PRPF39: variants seen among roughly 807,000 people sequenced by gnomAD.
PRPF39 encodes the protein pre-mRNA processing factor 39, also known as pre-mRNA-processing factor 39.
PRPF39 carries 27 observed loss-of-function variants against 82.1 expected under a neutral mutation model. The ratio of observed to expected loss-of-function variants is 0.33; its 90% CI spans 0.24 to 0.45. PRPF39 has a LOEUF of 0.45. Ranked by LOEUF, PRPF39 falls within the 20% of genes least tolerant of loss-of-function variation. The probability of loss-of-function intolerance (pLI) is 1.00; values close to 1 mark genes in which losing one functional copy is unlikely to be tolerated. For synonymous variants in PRPF39, 261 were observed against 256.4 expected, an observed-to-expected ratio of 1.02 and a Z score of -0.17; for missense variants, 581 against 796.9, an observed-to-expected ratio of 0.73 and a Z score of 3.26.
Position 45,109,791 on chromosome 14 carries a change from C to A in PRPF39, c.1176+11C>A. On this transcript the variant is annotated intron_variant, in intron 8 of 13. Transcript: ENST00000355765. ...GAGTTTTGGATTAAGGTAAGAAAAT[C>A]ATGTGCTCTTAAACTTGAATATATT... 2 of 1,585,520 alleles carry A rather than the reference C, an allele frequency of 1.3e-6. No homozygotes were observed. Among genetic ancestry groups the A allele is most frequent in the Non-Finnish European group, 1.7e-6 (2 of 1,165,720 alleles).
chr14:45,089,365 G>A (rs1310432303), intron 1 of PRPF39, among the ~76,000 whole-genome samples: 2 of 152,184 alleles, frequency 1.3e-5, no homozygotes, highest in Middle Eastern at 3.2e-3. Flanking sequence ...CTTCCTCAAT[G>A]AGCAGTCTTA....
intron 1 of PRPF39, among the ~76,000 whole-genome samples, chr14:45,084,864 C>T (rs910712965): frequency 6.6e-6 from 1 of 152,126 alleles, no homozygotes; most frequent in African/African-American, 2.4e-5. Flanking sequence ...TGTTTTTCTC[C>T]AAAATCACAT....
intron 1 of PRPF39, among the ~76,000 whole-genome samples, chr14:45,090,568 C>A (rs576400067): frequency 7.9e-5 from 12 of 152,282 alleles, no homozygotes; most frequent in African/African-American, 2.9e-4. Flanking sequence ...GTTCCACATT[C>A]TAGAATAGTT....
Position 45,095,298 on chromosome 14 carries a change from G to T in PRPF39, c.59G>T (p.Ser20Ile). Residue 20 changes from serine (S) to isoleucine (I), a missense_variant, in exon 2 of 14, where the codon AGT (serine) becomes ATT (isoleucine). By Grantham distance (142) the Ser-to-Ile change is moderately radical (BLOSUM62 -2). Coordinates refer to ENST00000355765, the MANE Select transcript of PRPF39 (RefSeq NM_017922.4). Reference protein sequence around the residue: ...RNSSNGSTGNSSEVVVEHPTD... With the variant: ...RNSSNGSTGNISEVVVEHPTD... ...TCTAGTAATGGCAGCACAGGCAACAGTTCAGAGGTAGTGGTAGAACATCCT... is the reference window on the plus strand; with the variant it reads ...TCTAGTAATGGCAGCACAGGCAACATTTCAGAGGTAGTGGTAGAACATCCT... The T allele has an allele frequency of 1.2e-6, 2 of 1,613,344 alleles. No individual in the cohort carries two copies. Among genetic ancestry groups the T allele is most frequent in the Non-Finnish European group, 1.7e-6 (2 of 1,179,314 alleles).
At chr14:45,094,005 T>C (rs1471551778) in intron 1 of PRPF39, among the ~76,000 whole-genome samples, 5 of 152,244 alleles carry the variant, frequency 3.3e-5, no homozygotes, top group Non-Finnish European at 5.9e-5. Context: ...TTTTGATTTA[T>C]GTCTTTATTA....
chr14:45,102,403 C>T, intron 4 of PRPF39, 126 bp from the exon 5 acceptor site: 3 of 723,502 alleles, frequency 4.1e-6, no homozygotes, highest in Non-Finnish European at 4.2e-6. Flanking sequence ...ACCCTTTAAT[C>T]CCTACTTGCA....
intron 3 of PRPF39, 135 bp from the exon 4 acceptor site, chr14:45,096,752 C>T: frequency 6.5e-7 from 1 of 1,535,990 alleles, no homozygotes; most frequent in South Asian, 1.2e-5. Flanking sequence ...CAACCTCCAC[C>T]CAAATGGTAA....
intron 1 of PRPF39, among the ~76,000 whole-genome samples, chr14:45,086,529 G>C (rs1883833345): frequency 6.6e-6 from 1 of 152,138 alleles, no homozygotes; most frequent in African/African-American, 2.4e-5. Context: ...ACTTTTATTA[G>C]TCTGGGGGAA....
intron 5 of PRPF39, among the ~76,000 whole-genome samples, chr14:45,106,766 A>G (rs1208217540): frequency 6.6e-6 from 1 of 152,164 alleles, no homozygotes; most frequent in African/African-American, 2.4e-5. Flanking sequence ...AACCAAATGG[A>G]GAGTGGAATA....
At chr14:45,105,654 G>A (rs1160501035) in intron 5 of PRPF39, among the ~76,000 whole-genome samples, 1 of 151,244 alleles carries the variant, frequency 6.6e-6, no homozygotes, top group Non-Finnish European at 1.5e-5. Context: ...AGCCTCCCGA[G>A]TAGCTGGGAT....
At chr14:45,111,838 A>G (rs1186489810) in intron 10 of PRPF39, among the ~76,000 whole-genome samples, 2 of 151,574 alleles carry the variant, frequency 1.3e-5, no homozygotes, top group African/African-American at 4.9e-5. Context: ...GGGTTTTACC[A>G]TGTTGGCCAG....
chr14:45,108,733 T>G (rs1884613878), intron 7 of PRPF39, among the ~76,000 whole-genome samples: 1 of 152,212 alleles, frequency 6.6e-6, no homozygotes, highest in Non-Finnish European at 1.5e-5. Flanking sequence ...TTTACTTGAA[T>G]TGCAAGATAT....
At chr14:45,109,201 T>A (rs559600234) in intron 7 of PRPF39, among the ~76,000 whole-genome samples, 76 of 152,300 alleles carry the variant, frequency 5.0e-4, no homozygotes, top group African/African-American at 1.8e-3. Flanking sequence ...TATATGTATA[T>A]ACATTGTAGT....
In PRPF39 at chr14:45,114,213, A is replaced by T. The variant is rs1884774350; in HGVS notation, c.1788A>T (p.Thr596=). The change falls in exon 12 of 14, where the codon ACA becomes ACT. Residue 596 remains threonine (T), a synonymous_variant. Coordinates refer to ENST00000355765, the MANE Select transcript of PRPF39 (RefSeq NM_017922.4). The part of the protein sequence containing the change: ...KLLNAYDEHQ[T]LLKEQDSLKR... The stretch of plus-strand genomic sequence containing the variant: ...TGAATGCTTATGATGAACATCAAAC[A>T]CTCCTGAAAGAACAGGATTCTTTAA... 6.2e-7 allele frequency: 1 copy of T among 1,603,574 alleles called. No individual in the cohort carries two copies. The highest frequency in any genetic ancestry group is 2.2e-5 in the East Asian group (1 of 44,598).
At position 45,115,957 on chromosome 14, in the gene PRPF39, A is replaced by G; in HGVS notation, c.*1044A>G. 1 of 441,626 alleles carries G rather than the reference A, an allele frequency of 2.3e-6. No individual in the cohort carries two copies. Among genetic ancestry groups the G allele is most frequent in the Non-Finnish European group, 4.2e-6 (1 of 240,838 alleles). The allele number at this position is 441,626 out of a possible 1,614,324, so 27.4% of individuals were successfully genotyped here. A position where few individuals can be genotyped will look rare whatever the true frequency, so the allele number is the denominator to read the frequency against. ...ACTTAAGTTTACAACATGAGGTAAAAGGAAAAAGTTCTCCTTGACCAGTAT... is the reference window on the plus strand; with the variant it reads ...ACTTAAGTTTACAACATGAGGTAAAGGGAAAAAGTTCTCCTTGACCAGTAT... On this transcript the variant is annotated 3_prime_UTR_variant, in exon 14 of 14. Coordinates refer to ENST00000355765, the MANE Select transcript of PRPF39 (RefSeq NM_017922.4).
chr14:45,088,516 G>A (rs1883915549), intron 1 of PRPF39, among the ~76,000 whole-genome samples: 1 of 152,198 alleles, frequency 6.6e-6, no homozygotes, highest in Non-Finnish European at 1.5e-5. Flanking sequence ...TGTCTGGGCT[G>A]TACAAGTTAG....
intron 5 of PRPF39, among the ~76,000 whole-genome samples, chr14:45,104,015 T>A (rs1884451927): frequency 6.6e-6 from 1 of 152,196 alleles, no homozygotes; most frequent in African/African-American, 2.4e-5. Context: ...AGTACTATTG[T>A]TCCCATTTTA....
At chr14:45,101,288 C>G (rs917224056) in intron 4 of PRPF39, among the ~76,000 whole-genome samples, 5 of 152,088 alleles carry the variant, frequency 3.3e-5, no homozygotes, top group Non-Finnish European at 7.4e-5. Flanking sequence ...TGTGGTTTAA[C>G]TTAGGGGAGT....
chr14:45,095,896 T>G (rs1323921412), intron 2 of PRPF39, among the ~76,000 whole-genome samples: 2 of 151,256 alleles, frequency 1.3e-5, no homozygotes, highest in Non-Finnish European at 3.0e-5. Flanking sequence ...TAGGTTTTTT[T>G]TTTTTTTTTT....
Sources: allele counts gnomAD v4.1 joint callset (sites outside exome capture counted in the v4.1 genomes callset), GRCh38; gene constraint gnomAD v4.1.1; transcripts MANE v1.5; gene names NCBI Gene and HGNC (gene_info 2026-07-23, HGNC 2026-07-21).